The following SMG5 variants were observed in gnomAD, a reference collection of about 807,000 sequenced individuals.
SMG5 encodes the protein SMG5 nonsense mediated mRNA decay factor.
In SMG5, 53 loss-of-function variants were observed where a neutral mutation model predicts 122.9. That is an observed-to-expected ratio of 0.43 (90% CI 0.35 to 0.54). SMG5 has a LOEUF of 0.54. SMG5 is among the 20% of genes least tolerant of loss of function. The pLI, the probability that SMG5 is intolerant of heterozygous loss-of-function variation, is 0.01. For missense variants in SMG5, 1,153 were observed against 1,285.6 expected, an observed-to-expected ratio of 0.90 and a Z score of 1.58; for synonymous variants, 477 against 490.2, an observed-to-expected ratio of 0.97 and a Z score of 0.35.
At chr1:156,266,712 G>C in intron 10 of SMG5, 34 bp from the exon 11 acceptor site, 1 of 1,612,534 alleles carries the variant, frequency 6.2e-7, no homozygotes. Context: ...TAGGGGCCTA[G>C]GGCCCTGATG....
chr1:156,266,631 A>T lies in SMG5; in HGVS notation c.1165T>A (p.Ser389Thr), dbSNP rs756241050. Residue 389 changes from serine to threonine, a missense_variant, in exon 11 of 22, where the codon TCC (serine) becomes ACC (threonine). Transcript: ENST00000361813. ...AAIAFTLALF[S>T]HLVNHVNIRL... is the part of the protein sequence containing the mutation. ...ATGTTGACATGATTGACGAGGTGGG[A>T]AAAGAGGGCCAGGGTGAAGGCAATG... 1.2e-6 allele frequency: 2 copies of T among 1,614,102 alleles called. No homozygotes were observed. The highest frequency in any genetic ancestry group is 1.7e-6 in the Non-Finnish European group (2 of 1,180,018).
rs1329315504 is a variant in SMG5 at position 156,271,633 on chromosome 1, GCA to G, written c.713+685_713+686del. Among the ~76,000 whole-genome samples the G allele has an allele frequency of 4.5e-5, 6 of 134,736 alleles. No individual in the cohort carries two copies. In the East Asian group the frequency reaches 8.7e-4, roughly 19 times the overall value. The allele number at this position is 134,736 out of a possible 152,430, so 88.4% of individuals were successfully genotyped here. Reference sequence around the variant, plus strand: ...CTGTTGCCCAGGCTGGAGTGCAGTGGCATGATCTCGGCTCACTGCAACCTCTG... The same window carrying G: ...CTGTTGCCCAGGCTGGAGTGCAGTGGTGATCTCGGCTCACTGCAACCTCTG... On this transcript the variant is annotated intron_variant, in intron 7 of 21. Coordinates refer to ENST00000361813, the MANE Select transcript of SMG5 (RefSeq NM_015327.3).
the SMG5 span, chr1:156,291,230 T>TCTC: frequency 6.3e-6 from 4 of 630,722 alleles, no homozygotes; most frequent in South Asian, 1.8e-5. Flanking sequence ...GCCTAATACA[T>TCTC]GTTAAGTGCA....
intron 16 of SMG5, among the ~76,000 whole-genome samples, chr1:156,254,124 A>G (rs1254728117): frequency 6.6e-6 from 1 of 152,120 alleles, no homozygotes; most frequent in Non-Finnish European, 1.5e-5. Context: ...CTGTCCTGTC[A>G]ATTGTGCCCC....
chr1:156,265,758 G>C, intron 12 of SMG5, 23 bp downstream of exon 12: 1 of 1,606,202 alleles, frequency 6.2e-7, no homozygotes, highest in African/African-American at 1.3e-5. Flanking sequence ...GACCAGAACA[G>C]GATGATGAAG....
chr1:156,274,411 C>A (rs2101559927), intron 5 of SMG5, among the ~76,000 whole-genome samples, 186 bp downstream of exon 5: 1 of 152,314 alleles, frequency 6.6e-6, no homozygotes, highest in East Asian at 1.9e-4. Flanking sequence ...ATTCACTGAT[C>A]CTCTCTGACT....
chr1:156,285,006 C>T (rs974355217), upstream of SMG5, among the ~76,000 whole-genome samples: 1 of 152,134 alleles, frequency 6.6e-6, no homozygotes, highest in Non-Finnish European at 1.5e-5. Context: ...TTCAGCTGCT[C>T]ACTTCCTTCC....
intron 3 of SMG5, 145 bp downstream of exon 3, chr1:156,277,780 G>C (rs1365870707): frequency 3.9e-6 from 4 of 1,030,134 alleles, no homozygotes; most frequent in Non-Finnish European, 5.7e-6. Context: ...CCAAAGTGCT[G>C]GGATTACACG....
In SMG5 at chr1:156,250,536, A is replaced by G. The variant is rs970420573; in HGVS notation, c.*51T>C. ...CAGGTGCTGGTCCTGGCTGCCAGGG[A>G]GGGCAGGAGAGATCTGGAGTCAGCC... On this transcript the variant is annotated 3_prime_UTR_variant, in exon 22 of 22. Transcript: ENST00000361813. 2 of 1,504,566 alleles carry G rather than the reference A, an allele frequency of 1.3e-6. No homozygotes were observed. Among genetic ancestry groups the G allele is most frequent in the African/African-American group, 2.8e-5 (2 of 72,640 alleles). 93.2% of individuals were successfully genotyped at this position (1,504,566 alleles called of 1,614,324 possible).
At chr1:156,270,797 C>T (rs972860172) in intron 7 of SMG5, among the ~76,000 whole-genome samples, 15 of 152,278 alleles carry the variant, frequency 9.9e-5, no homozygotes, top group South Asian at 2.1e-4. Flanking sequence ...CACCTGAGGT[C>T]GGGAGTTTGA....
At chr1:156,276,044 G>A (rs938477302) in intron 4 of SMG5, among the ~76,000 whole-genome samples, 1 of 151,616 alleles carries the variant, frequency 6.6e-6, no homozygotes, top group Non-Finnish European at 1.5e-5. Context: ...CTGAATTCCT[G>A]GCCTTAAGCA....
upstream of SMG5, chr1:156,286,135 G>T: frequency 7.3e-7 from 1 of 1,371,558 alleles, no homozygotes; most frequent in Non-Finnish European, 1.0e-6. Context: ...TCTCCTCCCA[G>T]GACCACCTCC....
chr1:156,269,734 G>A (rs756967023), intron 7 of SMG5, among the ~76,000 whole-genome samples: 2 of 152,264 alleles, frequency 1.3e-5, no homozygotes, highest in African/African-American at 2.4e-5. Flanking sequence ...AATTAGCCGG[G>A]CGTGTTGGCA....
Position 156,266,357 on chromosome 1 carries a change from C to T in SMG5, c.1279G>A (p.Val427Met), listed in dbSNP as rs1662137946. 1 of 1,613,514 alleles carries T rather than the reference C, an allele frequency of 6.2e-7. No individual in the cohort carries two copies. The highest frequency in any genetic ancestry group is 2.2e-5 in the East Asian group (1 of 44,876). ...GGATCTGGCTCCTCCTCTTTCTCCA[C>T]AGGTTCCTTGGACTCTGGTTCATCT... ...GTDEPESKEP[V>M]EKEEEPDPEP... is the part of the protein sequence containing the mutation. The change falls in exon 12 of 22, where the codon GTG becomes ATG. Residue 427 changes from valine to methionine, a missense_variant. Val to Met is a conservative substitution (Grantham distance 21). Coordinates refer to ENST00000361813, the MANE Select transcript of SMG5 (RefSeq NM_015327.3).
chr1:156,259,108 T>A lies in SMG5; in HGVS notation c.2339A>T (p.Gln780Leu). ...TGGGTTGAACTGCAGGATGCTGCCT[T>A]GCAGGCGGGCGATGAAATGACCAAA... is the stretch of plus-strand genomic sequence containing the variant. Reference protein sequence around the residue: ...RSFGHFIARLQGSILQFNPEV... With the variant: ...RSFGHFIARLLGSILQFNPEV... Residue 780 changes from glutamine to leucine, a missense_variant, in exon 16 of 22, where the codon CAA (glutamine) becomes CTA (leucine). Transcript: ENST00000361813. 6.2e-7 allele frequency: 1 copy of A among 1,609,658 alleles called. No individual in the cohort carries two copies.
Position 156,266,307 on chromosome 1 carries a change from T to C in SMG5, c.1329A>G (p.Gln443=), listed in dbSNP as rs750451104. Residue 443 remains glutamine, a synonymous_variant, in exon 12 of 22, where the codon CAA becomes CAG. Transcript: ENST00000361813. ...TACGGCTCTTTCTGCCCTCACCCAC[T>C]TGGGGTGTTACAGGAGGAGGCTCAG... The part of the protein sequence containing the change: ...PDPEPPPVTP[Q]VGEGRKSRKF... 3.7e-6 allele frequency: 6 copies of C among 1,614,176 alleles called. No individual in the cohort carries two copies. Among genetic ancestry groups the C allele is most frequent in the Non-Finnish European group, 5.1e-6 (6 of 1,180,040 alleles).
At chr1:156,259,625 G>C (rs1321584124) in intron 15 of SMG5, among the ~76,000 whole-genome samples, 1 of 152,092 alleles carries the variant, frequency 6.6e-6, no homozygotes, top group Admixed American at 6.5e-5. Flanking sequence ...TACCTCCTGG[G>C]CTGAAGTCAT....
intron 19 of SMG5, among the ~76,000 whole-genome samples, chr1:156,251,967 T>C (rs1661375641): frequency 6.6e-6 from 1 of 152,228 alleles, no homozygotes; most frequent in Admixed American, 6.5e-5. Context: ...CTGGCTTCGG[T>C]CTTACCACTC....
In SMG5 at chr1:156,271,510, G is replaced by T. The variant is rs191373509; in HGVS notation, c.713+810C>A. 3.3e-5 allele frequency among the ~76,000 whole-genome samples: 5 copies of T among 150,508 alleles called. No individual in the cohort carries two copies. The East Asian group carries it at 9.7e-4, about 29-fold the overall frequency. ...AGTCTCATGTGCTCTTGGTTACAGC[G>T]ACTTGTATGGCGACTCAATACCCTA... On this transcript the variant is annotated intron_variant, in intron 7 of 21. Transcript: ENST00000361813.
Sources: allele counts gnomAD v4.1 joint callset (sites outside exome capture counted in the v4.1 genomes callset), GRCh38; gene constraint gnomAD v4.1.1; transcripts MANE v1.5; gene names NCBI Gene and HGNC (gene_info 2026-07-23, HGNC 2026-07-21).